The following KCNQ3 variants were observed in gnomAD, a reference collection of about 807,000 sequenced individuals.
KCNQ3 encodes the protein potassium voltage-gated channel subfamily KQT member 3.
In KCNQ3, 30 loss-of-function variants were observed where a neutral mutation model predicts 92.5. The observed-to-expected ratio is 0.32, with a 90% CI of 0.24 to 0.44. KCNQ3 has a LOEUF of 0.44. KCNQ3 is among the 20% of genes least tolerant of loss of function. KCNQ3 has a pLI of 1.00. For missense variants in KCNQ3, 913 were observed against 1,140.3 expected, an observed-to-expected ratio of 0.80 and a Z score of 2.87; for synonymous variants, 450 against 468.8, an observed-to-expected ratio of 0.96 and a Z score of 0.52.
In KCNQ3 at chr8:132,313,840, A is replaced by G. The variant is rs550373940; in HGVS notation, c.387-127659T>C. 1.8e-4 allele frequency among the ~76,000 whole-genome samples: 27 copies of G among 152,354 alleles called. No homozygotes were observed. In the South Asian group the frequency reaches 5.4e-3, roughly 30 times the overall value. On this transcript the variant is annotated intron_variant, in intron 1 of 14. Transcript: ENST00000388996. ...AATATGACTGTCTACCTCCAGTAAC[A>G]CAGGTAACATTTACTGAATCGTCAA...
chr8:132,478,848 T>C (rs1822472631), intron 1 of KCNQ3, among the ~76,000 whole-genome samples: 1 of 151,962 alleles, frequency 6.6e-6, no homozygotes, highest in Non-Finnish European at 1.5e-5. Flanking sequence ...AAAACGTCTC[T>C]AACCAAGAAA....
chr8:132,435,788 A>C (rs1821378165), intron 1 of KCNQ3, among the ~76,000 whole-genome samples: 1 of 152,114 alleles, frequency 6.6e-6, no homozygotes, highest in Non-Finnish European at 1.5e-5. Flanking sequence ...GATCTCAAAC[A>C]ATCCTCCCAA....
At chr8:132,408,397 C>T (rs1425743615) in intron 1 of KCNQ3, among the ~76,000 whole-genome samples, 1 of 152,090 alleles carries the variant, frequency 6.6e-6, no homozygotes, top group Admixed American at 6.5e-5. Context: ...AGGCATCCCC[C>T]TGACCTTCAA....
intron 1 of KCNQ3, among the ~76,000 whole-genome samples, chr8:132,231,704 C>T (rs1205844907): frequency 6.6e-6 from 1 of 152,146 alleles, no homozygotes; most frequent in Non-Finnish European, 1.5e-5. Context: ...GTTGTTTAAG[C>T]CACCCAGCCT....
At chr8:132,297,598 A>C (rs1817082316) in intron 1 of KCNQ3, among the ~76,000 whole-genome samples, 1 of 113,998 alleles carries the variant, frequency 8.8e-6, no homozygotes, top group East Asian at 3.2e-4. Flanking sequence ...ATTATTTTAA[A>C]TGTATATATA....
intron 1 of KCNQ3, among the ~76,000 whole-genome samples, chr8:132,237,534 G>T (rs898904955): frequency 4.6e-5 from 7 of 152,106 alleles, no homozygotes; most frequent in African/African-American, 1.7e-4. Flanking sequence ...TTTGCACTTA[G>T]CCAGTGCACA....
At chr8:132,348,317 G>A (rs539171938) in intron 1 of KCNQ3, among the ~76,000 whole-genome samples, 2 of 152,150 alleles carry the variant, frequency 1.3e-5, no homozygotes, top group Admixed American at 6.5e-5. Context: ...GTGTAAATTT[G>A]CAACAGACGG....
intron 1 of KCNQ3, among the ~76,000 whole-genome samples, chr8:132,355,462 C>T (rs1346726848): frequency 3.3e-5 from 5 of 152,086 alleles, no homozygotes; most frequent in Non-Finnish European, 7.4e-5. Flanking sequence ...CTCTCTGTCA[C>T]AGTGATTGGT....
chr8:132,169,295 C>A (rs1826238151), intron 8 of KCNQ3, among the ~76,000 whole-genome samples: 1 of 152,146 alleles, frequency 6.6e-6, no homozygotes, highest in Admixed American at 6.5e-5. Context: ...CACAATACCC[C>A]CATTAAGTCT....
Position 132,180,228 on chromosome 8 carries a change from G to A in KCNQ3, c.706C>T (p.Arg236Cys), listed in dbSNP as rs1180768843. Reference sequence around the variant, plus strand: ...CCTCTCCGGTCCATCCGCAGCATGCGCAGGATCTGCAGGAAGCGCAGGCTT... The same window carrying A: ...CCTCTCCGGTCCATCCGCAGCATGCACAGGATCTGCAGGAAGCGCAGGCTT... ...LRSLRFLQIL[R>C]MLRMDRRGGT... The change falls in exon 4 of 15, where the codon CGC becomes TGC. Residue 236 changes from arginine (R) to cysteine (C), a missense_variant. Physicochemically the swap from Arg to Cys is radical, Grantham distance 180. Transcript: ENST00000388996. 24 of 1,614,154 alleles carry A rather than the reference G, an allele frequency of 1.5e-5. No homozygotes were observed. Among genetic ancestry groups the A allele is most frequent in the Non-Finnish European group, 2.0e-5 (24 of 1,180,040 alleles).
intron 1 of KCNQ3, among the ~76,000 whole-genome samples, chr8:132,347,960 G>C (rs1372061601): frequency 1.6e-5 from 2 of 126,926 alleles, no homozygotes; most frequent in Non-Finnish European, 3.1e-5. Context: ...CTGGGCGACA[G>C]AGCGAGAGAC....
At chr8:132,152,280 C>CT (rs1825662077) in intron 9 of KCNQ3, among the ~76,000 whole-genome samples, 1 of 152,120 alleles carries the variant, frequency 6.6e-6, no homozygotes, top group African/African-American at 2.4e-5. Flanking sequence ...CCAAAGCAAT[C>CT]TTTTTGACTT....
At chr8:132,157,196 T>C (rs1825823293) in intron 9 of KCNQ3, among the ~76,000 whole-genome samples, 1 of 152,176 alleles carries the variant, frequency 6.6e-6, no homozygotes, top group Non-Finnish European at 1.5e-5. Flanking sequence ...GAAAGTTCTA[T>C]TTTCAGACTG....
At chr8:132,373,564 G>A (rs566222736) in intron 1 of KCNQ3, among the ~76,000 whole-genome samples, 1 of 152,212 alleles carries the variant, frequency 6.6e-6, no homozygotes, top group Non-Finnish European at 1.5e-5. Context: ...AGAGGAAACT[G>A]AGGCACAGAG....
chr8:132,392,407 C>T (rs375524708), intron 1 of KCNQ3, among the ~76,000 whole-genome samples: 8 of 152,160 alleles, frequency 5.3e-5, no homozygotes, highest in Middle Eastern at 3.4e-3. Flanking sequence ...AAATCTTCCC[C>T]GGCCACACCA....
At chr8:132,316,635 T>C (rs1299490470) in intron 1 of KCNQ3, among the ~76,000 whole-genome samples, 1 of 152,242 alleles carries the variant, frequency 6.6e-6, no homozygotes, top group Non-Finnish European at 1.5e-5. Flanking sequence ...CAAGTGCTGC[T>C]GCAGACCAGC....
Position 132,374,772 on chromosome 8 carries a change from G to A in KCNQ3, c.386+105375C>T, listed in dbSNP as rs570911405. On this transcript the variant is annotated intron_variant, in intron 1 of 14. Transcript: ENST00000388996. ...AGCTCCAACTTCTAACTCAGAAAAC[G>A]TGGTATCTGGTTTTCTGTTCCTGGG... Among the ~76,000 whole-genome samples the A allele has an allele frequency of 1.8e-4, 28 of 152,096 alleles. 1 individual carries two copies. The South Asian group carries it at 3.5e-3, about 19-fold the overall frequency.
At chr8:132,146,193 T>C (rs770513669) in intron 9 of KCNQ3, among the ~76,000 whole-genome samples, 1 of 152,280 alleles carries the variant, frequency 6.6e-6, no homozygotes, top group Non-Finnish European at 1.5e-5. Context: ...TACCTGTTCA[T>C]TGCAGCATTA....
intron 1 of KCNQ3, among the ~76,000 whole-genome samples, chr8:132,339,394 T>C (rs891557292): frequency 2.0e-5 from 3 of 152,212 alleles, no homozygotes; most frequent in Non-Finnish European, 4.4e-5. Context: ...AAGTTTGTCC[T>C]CTGCCAATTC....
Sources: allele counts gnomAD v4.1 joint callset (sites outside exome capture counted in the v4.1 genomes callset), GRCh38; gene constraint gnomAD v4.1.1; transcripts MANE v1.5; gene names NCBI Gene and HGNC (gene_info 2026-07-23, HGNC 2026-07-21).